Variants in RERG observed in about 807,000 individuals in gnomAD.
The protein encoded by RERG is ras-related and estrogen-regulated growth inhibitor.
Under a neutral mutation model 23.2 loss-of-function variants are expected in RERG, and 25 were observed. The observed-to-expected ratio is 1.08, with a 90% CI of 0.79 to 1.50. RERG has a LOEUF of 1.50. RERG is among the 40% of genes most tolerant of loss of function. RERG has a pLI of 0.00. For missense variants in RERG, 253 were observed against 250.1 expected, an observed-to-expected ratio of 1.01 and a Z score of -0.08; for synonymous variants, 81 against 89.1, an observed-to-expected ratio of 0.91 and a Z score of 0.51.
In RERG at chr12:15,132,284, T is replaced by A. The variant is rs76198574; in HGVS notation, c.62-11165A>T. On this transcript the variant is annotated intron_variant, in intron 2 of 4. Coordinates refer to ENST00000256953, the MANE Select transcript of RERG (RefSeq NM_032918.3). ...ATTACTAAATGTGTCCAATAATAAT[T>A]GGAAATATACAGTATGTGACCTATT... 5.3e-5 allele frequency among the ~76,000 whole-genome samples: 8 copies of A among 152,286 alleles called. No homozygotes were observed. In the East Asian group the frequency reaches 1.5e-3, roughly 29 times the overall value.
rs182928692 is a variant in RERG, at chr12:15,125,377, T to C, written c.62-4258A>G. Among the ~76,000 whole-genome samples, 62 of 152,158 alleles carry C rather than the reference T, an allele frequency of 4.1e-4. 1 individual carries two copies. The Middle Eastern group carries it at 0.01, about 25-fold the overall frequency. On this transcript the variant is annotated intron_variant, in intron 2 of 4. Transcript: ENST00000256953. Reference sequence around the variant, plus strand: ...GAAATGTTAAAGCTTAAAAACTACATGAATAAATTATAATAAACTTACGTA... The same window carrying C: ...GAAATGTTAAAGCTTAAAAACTACACGAATAAATTATAATAAACTTACGTA...
At chr12:15,187,205 T>A (rs559647615) in intron 2 of RERG, among the ~76,000 whole-genome samples, 1 of 152,144 alleles carries the variant, frequency 6.6e-6, no homozygotes, top group East Asian at 1.9e-4. Context: ...TAGAACCAGC[T>A]CTCAAGGCAA....
At chr12:15,196,573 A>T (rs1164778099) in intron 2 of RERG, among the ~76,000 whole-genome samples, 2 of 152,138 alleles carry the variant, frequency 1.3e-5, no homozygotes, top group African/African-American at 2.4e-5. Context: ...TTGCACCAAA[A>T]ATATGCTTGG....
At chr12:15,158,772 C>G (rs1271721367) in intron 2 of RERG, among the ~76,000 whole-genome samples, 1 of 152,136 alleles carries the variant, frequency 6.6e-6, no homozygotes, top group African/African-American at 2.4e-5. Context: ...CTTCTTAGTG[C>G]TTCATATCAG....
Position 15,217,691 on chromosome 12 carries a change from A to G in RERG, c.-114-88T>C, listed in dbSNP as rs1591674880. ...ATCTACTATATGCCAGCCACCATTC[A>G]CTTTTTCAACATTTTCTGGTTTGAT... is the stretch of plus-strand genomic sequence containing the variant. On this transcript the variant is annotated intron_variant, in intron 1 of 4. Coordinates refer to ENST00000256953, the MANE Select transcript of RERG (RefSeq NM_032918.3). 3 of 519,370 alleles carry G rather than the reference A, an allele frequency of 5.8e-6. No homozygotes were observed. The East Asian group carries it at 9.9e-5, about 17-fold the overall frequency. 32.2% of individuals were successfully genotyped at this position (519,370 alleles called of 1,614,324 possible).
At chr12:15,163,422 T>C (rs746559809) in intron 2 of RERG, among the ~76,000 whole-genome samples, 5 of 152,168 alleles carry the variant, frequency 3.3e-5, no homozygotes, top group Non-Finnish European at 5.9e-5. Context: ...TCGACATGAA[T>C]GTGAAGAATT....
chr12:15,153,286 G>A lies in RERG; in HGVS notation c.62-32167C>T, dbSNP rs1024772468. Among the ~76,000 whole-genome samples, 9 of 152,088 alleles carry A rather than the reference G, an allele frequency of 5.9e-5. 1 individual carries two copies. Among genetic ancestry groups the A allele is most frequent in the Admixed American group, 3.9e-4 (6 of 15,264 alleles). On this transcript the variant is annotated intron_variant, in intron 2 of 4. Transcript: ENST00000256953. ...TTTAAATGTGATAACAATTATCTGC[G>A]ACTTTTAGAGAACACAGCTAACCAT...
chr12:15,111,237 A>G, intron 4 of RERG, 107 bp downstream of exon 4: 1 of 741,408 alleles, frequency 1.3e-6, no homozygotes, highest in Admixed American at 2.4e-5. Flanking sequence ...AAAAGGTTTT[A>G]GGCATGCAAA....
In RERG at chr12:15,152,401, T is replaced by G. The variant is rs183573798; in HGVS notation, c.62-31282A>C. 2.0e-5 allele frequency among the ~76,000 whole-genome samples: 3 copies of G among 152,320 alleles called. No individual in the cohort carries two copies. In the East Asian group the frequency reaches 5.8e-4, roughly 29 times the overall value. On this transcript the variant is annotated intron_variant, in intron 2 of 4. Transcript: ENST00000256953. ...CTTTTCATATTTTCTGAAGCTATTA[T>G]CCATAGTGTTTCCCCTCTAATTTCA...
intron 2 of RERG, among the ~76,000 whole-genome samples, chr12:15,121,344 C>T (rs1565508606): frequency 1.3e-5 from 2 of 151,920 alleles, no homozygotes; most frequent in Admixed American, 6.6e-5. Flanking sequence ...GTGCATTAGT[C>T]AACAATTAGA....
intron 2 of RERG, among the ~76,000 whole-genome samples, chr12:15,181,940 G>A (rs990408350): frequency 2.6e-5 from 4 of 152,082 alleles, no homozygotes; most frequent in African/African-American, 9.7e-5. Flanking sequence ...CCACTGGCAG[G>A]AGCCATTTGA....
At chr12:15,122,980 G>A (rs1863863542) in intron 2 of RERG, among the ~76,000 whole-genome samples, 1 of 152,006 alleles carries the variant, frequency 6.6e-6, no homozygotes, top group African/African-American at 2.4e-5. Context: ...TGTATTTTTA[G>A]TAGAGACGGG....
chr12:15,117,996 T>C (rs1325809383), intron 3 of RERG, among the ~76,000 whole-genome samples: 2 of 152,176 alleles, frequency 1.3e-5, no homozygotes, highest in African/African-American at 4.8e-5. Flanking sequence ...ATCCACAGTA[T>C]AATAAGGAAA....
At chr12:15,146,312 A>G in intron 2 of RERG, among the ~76,000 whole-genome samples, 1 of 152,244 alleles carries the variant, frequency 6.6e-6, no homozygotes, top group East Asian at 1.9e-4. Context: ...GTAATAATTT[A>G]TAGTAATACT....
chr12:15,110,463 CTTTTTTTTTTTTTT>C (rs869218147), intron 4 of RERG, among the ~76,000 whole-genome samples: 1 of 73,148 alleles, frequency 1.4e-5, no homozygotes, highest in Non-Finnish European at 2.4e-5. Context: ...CCATTTTTTT[CTTTTTTTTTTTTTT>C]TTTTTTTTTT....
intron 2 of RERG, among the ~76,000 whole-genome samples, chr12:15,194,376 T>C (rs942846443): frequency 6.6e-6 from 1 of 152,108 alleles, no homozygotes; most frequent in African/African-American, 2.4e-5. Context: ...CTCTCACATA[T>C]TGTCTGCTAC....
intron 2 of RERG, among the ~76,000 whole-genome samples, chr12:15,204,711 T>C (rs932897753): frequency 3.3e-5 from 5 of 151,914 alleles, no homozygotes; most frequent in Admixed American, 3.3e-4. Context: ...CATTGACTCC[T>C]ATAGCATTTA....
At chr12:15,123,728 C>T (rs946709886) in intron 2 of RERG, among the ~76,000 whole-genome samples, 8 of 151,448 alleles carry the variant, frequency 5.3e-5, no homozygotes, top group Non-Finnish European at 1.0e-4. Flanking sequence ...GACCTAATTT[C>T]CTTTTGACTC....
intron 2 of RERG, among the ~76,000 whole-genome samples, chr12:15,187,964 T>C (rs1865017254): frequency 6.6e-6 from 1 of 152,070 alleles, no homozygotes; most frequent in South Asian, 2.1e-4. Flanking sequence ...ATACTGAACA[T>C]AGGAGGACAT....
Sources: gnomAD v4.1 joint callset for allele counts (sites outside exome capture counted in the v4.1 genomes callset) on GRCh38, gnomAD v4.1.1 for gene constraint, MANE v1.5 for transcripts, NCBI Gene and HGNC (gene_info 2026-07-23, HGNC 2026-07-21) for gene names.